ITGA9: variants seen among roughly 807,000 people sequenced by gnomAD.
The protein encoded by ITGA9 is integrin subunit alpha 9.
A neutral mutation model predicts 127.8 loss-of-function variants in ITGA9; 56 were observed. The ratio of observed to expected loss-of-function variants is 0.44; its 90% CI spans 0.35 to 0.55. ITGA9 has a LOEUF of 0.55. Among genes scored for constraint, ITGA9 ranks in the 20% least tolerant of loss-of-function variants. The pLI, the probability that ITGA9 is intolerant of heterozygous loss-of-function variation, is 0.00. For missense variants in ITGA9, 1,196 were observed against 1,347.1 expected (o/e 0.89, Z 1.76); for synonymous variants, 508 against 514.5 (o/e 0.99, Z 0.17).
chr3:37,477,299 G>A (rs1354428605), intron 3 of ITGA9, among the ~76,000 whole-genome samples: 1 of 152,196 alleles, frequency 6.6e-6, no homozygotes, highest in African/African-American at 2.4e-5. Flanking sequence ...AGAGGGAGAG[G>A]TGGGCTAGCT....
chr3:37,792,383 A>G (rs1215033138), intron 26 of ITGA9, among the ~76,000 whole-genome samples: 4 of 152,182 alleles, frequency 2.6e-5, no homozygotes, highest in Non-Finnish European at 5.9e-5. Context: ...TTTCCAGTTG[A>G]GGTTAGTCCC....
chr3:37,549,423 C>T (rs1316031086), intron 15 of ITGA9, among the ~76,000 whole-genome samples: 1 of 152,194 alleles, frequency 6.6e-6, no homozygotes, highest in African/African-American at 2.4e-5. Context: ...ATTGACACTT[C>T]AGTGGTTATC....
chr3:37,525,701 A>G (rs758205685), intron 12 of ITGA9, among the ~76,000 whole-genome samples: 4 of 152,234 alleles, frequency 2.6e-5, no homozygotes, highest in Non-Finnish European at 2.9e-5. Context: ...TCATTTCAAC[A>G]TATAATCAAT....
chr3:37,693,629 G>A lies in ITGA9; in HGVS notation c.2067+9614G>A, dbSNP rs553397975. ...GAGCAGGAAGGACTTAAACATTTAT[G>A]TGTTTGTATACCTTTATTTGAGGGA... On this transcript the variant is annotated intron_variant, in intron 18 of 27. Transcript: ENST00000264741. 6.6e-5 allele frequency among the ~76,000 whole-genome samples: 10 copies of A among 152,306 alleles called. No homozygotes were observed. In the South Asian group the frequency reaches 2.1e-3, roughly 32 times the overall value.
At chr3:37,613,558 G>A (rs553377787) in intron 15 of ITGA9, among the ~76,000 whole-genome samples, 14 of 152,316 alleles carry the variant, frequency 9.2e-5, no homozygotes, top group East Asian at 5.8e-4. Context: ...CACAATGGTT[G>A]AACTAGTTTA....
chr3:37,805,225 T>C (rs1231718075), intron 27 of ITGA9, among the ~76,000 whole-genome samples: 1 of 152,118 alleles, frequency 6.6e-6, no homozygotes, highest in African/African-American at 2.4e-5. Context: ...TTTTTTTATT[T>C]TTTTGTAAAC....
rs569717519 is a variant in ITGA9 at position 37,806,465 on chromosome 3, T to C, written c.3009+2523T>C. On this transcript the variant is annotated intron_variant, in intron 27 of 27. Transcript: ENST00000264741. The surrounding 1 kb of genome is among the most constrained non-coding windows in gnomAD (Gnocchi z 4.3). ...TCCCCTTATAGTCTGCATGCCCTCC[T>C]TCTGGCCGCCCCACCTGGCTCTGCC... The C allele has an allele frequency of 1.3e-5, 2 of 152,628 alleles. No individual in the cohort carries two copies. The highest frequency in any genetic ancestry group is 4.1e-4 in the South Asian group (2 of 4,830). 9.5% of individuals were successfully genotyped at this position (152,628 alleles called of 1,614,324 possible).
In ITGA9 at chr3:37,716,246, G is replaced by A. The variant is rs182397153; in HGVS notation, c.2068-16466G>A. Among the ~76,000 whole-genome samples, 12 of 152,252 alleles carry A rather than the reference G, an allele frequency of 7.9e-5. No individual in the cohort carries two copies. In the East Asian group the frequency reaches 2.3e-3, roughly 29 times the overall value. ...GGCATCTGGGGGGTCAATGTGCATG[G>A]TTGTGCATGGTAGAGACCCCTGGAT... On this transcript the variant is annotated intron_variant, in intron 18 of 27. Transcript: ENST00000264741.
chr3:37,748,809 AC>A, intron 22 of ITGA9: 1 of 842,666 alleles, frequency 1.2e-6, no homozygotes, highest in South Asian at 1.4e-5. Context: ...CAACTGAAGC[AC>A]CAGCCTGCAC....
At chr3:37,777,216 CT>C (rs962195609) in intron 23 of ITGA9, among the ~76,000 whole-genome samples, 175 bp from the exon 24 acceptor site, 25 of 152,292 alleles carry the variant, frequency 1.6e-4, no homozygotes, top group Admixed American at 1.6e-3. Context: ...TTATTTGGCC[CT>C]GTTGATGCTA....
chr3:37,637,032 G>A (rs1700285757), intron 16 of ITGA9, among the ~76,000 whole-genome samples: 1 of 152,178 alleles, frequency 6.6e-6, no homozygotes, highest in African/African-American at 2.4e-5. Context: ...TTTGGTTACT[G>A]TAGCCTTGTA....
At chr3:37,484,662 G>A (rs1698590981) in intron 4 of ITGA9, among the ~76,000 whole-genome samples, 2 of 152,182 alleles carry the variant, frequency 1.3e-5, no homozygotes, top group South Asian at 4.2e-4. Context: ...TTATTCACAT[G>A]CCACACAATG....
chr3:37,621,238 C>T (rs892037171), intron 15 of ITGA9, among the ~76,000 whole-genome samples: 1 of 152,190 alleles, frequency 6.6e-6, no homozygotes. Context: ...TGAGGCCTCC[C>T]CAGCCATATG....
At chr3:37,748,954 A>G in intron 22 of ITGA9, 1 of 645,156 alleles carries the variant, frequency 1.6e-6, no homozygotes. Context: ...AAAAAAAGAA[A>G]AAAGAAAAAT....
intron 15 of ITGA9, among the ~76,000 whole-genome samples, chr3:37,551,438 G>A (rs536684129): frequency 7.0e-4 from 106 of 151,626 alleles, no homozygotes; most frequent in Admixed American, 1.2e-3. Context: ...ACTGAATTTA[G>A]TCTTAATTAG....
intron 27 of ITGA9, among the ~76,000 whole-genome samples, chr3:37,815,540 C>T (rs556960889): frequency 2.7e-5 from 4 of 150,192 alleles, no homozygotes; most frequent in African/African-American, 4.9e-5. Context: ...ACCTGGGAGG[C>T]AGAGGTTGCA....
chr3:37,757,990 CAA>C (rs1696674402), intron 23 of ITGA9, among the ~76,000 whole-genome samples: 1 of 151,758 alleles, frequency 6.6e-6, no homozygotes, highest in Non-Finnish European at 1.5e-5. Context: ...AGCAGTGAGC[CAA>C]ACTCACTTTG....
chr3:37,487,714 C>T (rs1404818099), intron 4 of ITGA9, among the ~76,000 whole-genome samples: 2 of 152,078 alleles, frequency 1.3e-5, no homozygotes, highest in Non-Finnish European at 2.9e-5. Context: ...GCTTATTAGT[C>T]AGAGGAGGGG....
chr3:37,492,436 GGCC>G (rs1269486292), intron 4 of ITGA9, among the ~76,000 whole-genome samples: 1 of 152,218 alleles, frequency 6.6e-6, no homozygotes, highest in South Asian at 2.1e-4. Flanking sequence ...TCCCCTTGCT[GGCC>G]TTCAGCCTGG....
Sources: gnomAD v4.1 joint callset for allele counts (sites outside exome capture counted in the v4.1 genomes callset) on GRCh38, gnomAD v4.1.1 for gene constraint, Gnocchi (gnomAD v3.1) non-coding constraint, MANE v1.5 for transcripts, NCBI Gene and HGNC (gene_info 2026-07-23, HGNC 2026-07-21) for gene names.